The following EPC1 variants were observed in gnomAD, a reference collection of about 807,000 sequenced individuals.
The protein encoded by EPC1 is enhancer of polycomb homolog 1.
A neutral mutation model predicts 98.4 loss-of-function variants in EPC1; 12 were observed. That is an observed-to-expected ratio of 0.12 (90% CI 0.08 to 0.20). The LOEUF (loss-of-function observed/expected upper bound fraction) is 0.20. EPC1 is among the 10% of genes least tolerant of loss of function. EPC1 has a pLI of 1.00. For synonymous variants in EPC1, 357 were observed against 363.9 expected (o/e 0.98, Z 0.21); for missense variants, 729 against 990.5 (o/e 0.74, Z 3.54).
chr10:32,279,518 G>A (rs765361742), intron 10 of EPC1, among the ~76,000 whole-genome samples: 62 of 152,118 alleles, frequency 4.1e-4, no homozygotes, highest in South Asian at 2.5e-3. Flanking sequence ...ACTAAGTTAC[G>A]GATATTAAGA....
rs1424091878 is a variant in EPC1, at chr10:32,268,323, T to G, written c.*740A>C. 1 of 152,122 alleles carries G rather than the reference T, an allele frequency of 6.6e-6. No homozygotes were observed. The highest frequency in any genetic ancestry group is 1.5e-5 in the Non-Finnish European group (1 of 68,026). The allele number at this position is 152,122 out of a possible 1,614,324, so 9.4% of individuals were successfully genotyped here. A position where few individuals can be genotyped will look rare whatever the true frequency, so the allele number is the denominator to read the frequency against. ...AACCACCCACAGCTTTGTGGGCAAG[T>G]TGGGGATGGAAAGATTCAAGAGACT... On this transcript the variant is annotated 3_prime_UTR_variant, in exon 14 of 14. Coordinates refer to ENST00000319778, the MANE Select transcript of EPC1 (RefSeq NM_001272004.3).
chr10:32,327,061 T>TCA (rs1564548810), intron 1 of EPC1, among the ~76,000 whole-genome samples: 2 of 39,116 alleles, frequency 5.1e-5, no homozygotes, highest in Admixed American at 5.5e-4. Flanking sequence ...GAAAATGTGG[T>TCA]GACACACACA....
At chr10:32,364,001 CATTTTTTTTTTTTTTTTTTT>C (rs1839521462) in intron 1 of EPC1, among the ~76,000 whole-genome samples, 1 of 61,840 alleles carries the variant, frequency 1.6e-5, no homozygotes, top group Non-Finnish European at 3.1e-5. Flanking sequence ...ATCATGTTGG[CATTTTTTTTTTTTTTTTTTT>C]TTTTTTTTTT....
chr10:32,290,505 A>AAAAAAAAAAGAAAG (rs1554819136), intron 6 of EPC1, among the ~76,000 whole-genome samples: 47 of 77,518 alleles, frequency 6.1e-4, no homozygotes, highest in African/African-American at 2.5e-3. Context: ...AAAAAAAAAA[A>AAAAAAAAAAGAAAG]AAAGAAAGAA....
intron 1 of EPC1, chr10:32,345,626 G>C: frequency 2.0e-6 from 2 of 985,328 alleles, no homozygotes; most frequent in Non-Finnish European, 2.4e-6. Context: ...TCAAGGATCT[G>C]GGGGAAATGA....
At chr10:32,305,451 CTATTAA>C (rs955404036) in intron 2 of EPC1, among the ~76,000 whole-genome samples, 16 of 151,622 alleles carry the variant, frequency 1.1e-4, no homozygotes, top group Admixed American at 9.8e-4. Flanking sequence ...TTCTTTAAGA[CTATTAA>C]TATTATTAAT....
intron 1 of EPC1, among the ~76,000 whole-genome samples, chr10:32,343,630 T>A (rs1486214299): frequency 6.7e-6 from 1 of 149,774 alleles, no homozygotes; most frequent in East Asian, 2.0e-4. Flanking sequence ...AAGTTACTTT[T>A]TCAGTACTAC....
chr10:32,368,751 G>A (rs545212300), intron 1 of EPC1, among the ~76,000 whole-genome samples: 15 of 152,142 alleles, frequency 9.9e-5, no homozygotes, highest in Admixed American at 7.9e-4. Context: ...AATTCGCGTC[G>A]CACTGTGTAA....
In EPC1 at chr10:32,313,773, C is replaced by T. The variant is rs951010212; in HGVS notation, c.154-7842G>A. 2.0e-5 allele frequency among the ~76,000 whole-genome samples: 3 copies of T among 152,154 alleles called. No individual in the cohort carries two copies. The East Asian group carries it at 5.8e-4, about 29-fold the overall frequency. The stretch of plus-strand genomic sequence containing the variant: ...TGGTGGCGGGTGCCTGTAATCTCAG[C>T]TACTCTGAAGGCTAAGGCAGGAGAA... On this transcript the variant is annotated intron_variant, in intron 1 of 13. Transcript: ENST00000319778.
At chr10:32,312,684 G>A (rs942202989) in intron 1 of EPC1, among the ~76,000 whole-genome samples, 11 of 152,154 alleles carry the variant, frequency 7.2e-5, no homozygotes, top group African/African-American at 2.2e-4. Flanking sequence ...GGAACAAAGC[G>A]GAGTGCTTAA....
At chr10:32,353,925 A>G (rs1038218193) in intron 1 of EPC1, among the ~76,000 whole-genome samples, 2 of 152,226 alleles carry the variant, frequency 1.3e-5, no homozygotes, top group Admixed American at 6.5e-5. Flanking sequence ...ATTTAGGTAA[A>G]CAAACACTGG....
intron 6 of EPC1, among the ~76,000 whole-genome samples, chr10:32,290,674 G>T (rs539137253): frequency 1.1e-3 from 161 of 151,808 alleles, no homozygotes; most frequent in African/African-American, 3.8e-3. Context: ...ATAAGGAAGA[G>T]AAACAAAAAT....
intron 1 of EPC1, among the ~76,000 whole-genome samples, chr10:32,376,455 C>A (rs978939806): frequency 2.0e-4 from 30 of 152,010 alleles, no homozygotes; most frequent in Admixed American, 1.6e-3. Flanking sequence ...TATATTTACA[C>A]CTGCAGTATT....
At chr10:32,375,790 A>T (rs1293331577) in intron 1 of EPC1, among the ~76,000 whole-genome samples, 1 of 152,062 alleles carries the variant, frequency 6.6e-6, no homozygotes, top group Non-Finnish European at 1.5e-5. Flanking sequence ...CATTTTGGGA[A>T]TTTTTTAAAA....
intron 2 of EPC1, among the ~76,000 whole-genome samples, chr10:32,302,686 A>G (rs917074954): frequency 7.3e-5 from 11 of 151,480 alleles, no homozygotes; most frequent in African/African-American, 1.9e-4. Context: ...GAGCGGCGCA[A>G]AAGACATGCA....
chr10:32,315,498 A>G (rs539974834), intron 1 of EPC1, among the ~76,000 whole-genome samples: 6 of 152,370 alleles, frequency 3.9e-5, no homozygotes, highest in Admixed American at 1.3e-4. Flanking sequence ...AATTAAAAAC[A>G]GCTTATTAAA....
At chr10:32,317,853 A>G (rs937184030) in intron 1 of EPC1, among the ~76,000 whole-genome samples, 9 of 152,212 alleles carry the variant, frequency 5.9e-5, no homozygotes, top group Non-Finnish European at 4.4e-5. Flanking sequence ...ACAAAAAGGA[A>G]GACCTTTACA....
At position 32,271,669 on chromosome 10, in the gene EPC1, G is replaced by A. The variant is rs762872734; in HGVS notation, c.2254C>T (p.Arg752Ter). 3 of 1,614,070 alleles carry A rather than the reference G, an allele frequency of 1.9e-6. No homozygotes were observed. The highest frequency in any genetic ancestry group is 1.7e-5 in the Admixed American group (1 of 60,006). Reference sequence around the variant, plus strand: ...GCACTTAAAGTCCTAGGTATATGTCGTGCATTTATTGGGGCAATAGAGTTT... The same window carrying A: ...GCACTTAAAGTCCTAGGTATATGTCATGCATTTATTGGGGCAATAGAGTTT... ...TVNSIAPINARHIPRTLSAVP... is the reference protein window; with the variant it reads ...TVNSIAPINA Residue 752 changes from arginine (R) to a stop codon, truncating the protein, a stop_gained, in exon 13 of 14, where the codon CGA (arginine) becomes TGA (stop). Coordinates refer to ENST00000319778, the MANE Select transcript of EPC1 (RefSeq NM_001272004.3). LOFTEE classifies it high-confidence loss of function.
chr10:32,273,402 T>C (rs542046962), intron 10 of EPC1, 121 bp from the exon 11 acceptor site: 73 of 1,263,818 alleles, frequency 5.8e-5, no homozygotes, highest in South Asian at 3.9e-4. Flanking sequence ...CAAAGGATCA[T>C]GATCCTGCTA....
Sources: allele counts gnomAD v4.1 joint callset (sites outside exome capture counted in the v4.1 genomes callset), GRCh38; gene constraint gnomAD v4.1.1; transcripts MANE v1.5; gene names NCBI Gene and HGNC (gene_info 2026-07-23, HGNC 2026-07-21).